PREX1: variants seen among roughly 807,000 people sequenced by gnomAD.
The protein encoded by PREX1 is phosphatidylinositol 3,4,5-trisphosphate-dependent Rac exchanger 1 protein.
A neutral mutation model predicts 198.3 loss-of-function variants in PREX1; 41 were observed. That is an observed-to-expected ratio of 0.21 (90% CI 0.16 to 0.27). The LOEUF is 0.27. Among genes scored for constraint, PREX1 ranks in the 10% least tolerant of loss-of-function variants. The pLI, the probability that PREX1 is intolerant of heterozygous loss-of-function variation, is 1.00. For missense variants in PREX1, 1,620 were observed against 2,200.7 expected (o/e 0.74, Z 5.28); for synonymous variants, 843 against 887.2 (o/e 0.95, Z 0.89).
At chr20:48,707,541 A>G (rs555317967) in intron 6 of PREX1, among the ~76,000 whole-genome samples, 1 of 152,356 alleles carries the variant, frequency 6.6e-6, no homozygotes, top group African/African-American at 2.4e-5. Flanking sequence ...GGCCTACGGC[A>G]TATGATTCAC....
chr20:48,862,790 AATATATATATAT>A, the PREX1 span, among the ~76,000 whole-genome samples: 1 of 102,584 alleles, frequency 9.7e-6, no homozygotes, highest in Non-Finnish European at 1.9e-5. Flanking sequence ...TAAAAAAAAA[AATATATATATAT>A]ATATATATAT....
chr20:48,796,789 C>T (rs928954662), intron 1 of PREX1, among the ~76,000 whole-genome samples: 2 of 147,716 alleles, frequency 1.4e-5, no homozygotes, highest in Non-Finnish European at 3.0e-5. Context: ...CAGTTATATA[C>T]ACATATAATT....
chr20:48,885,767 A>C, the PREX1 span, among the ~76,000 whole-genome samples: 1 of 152,160 alleles, frequency 6.6e-6, no homozygotes, highest in Admixed American at 6.5e-5. Context: ...ACATGGAGGA[A>C]ACTTAAATGC....
intron 1 of PREX1, among the ~76,000 whole-genome samples, chr20:48,819,809 C>G (rs950121308): frequency 6.6e-6 from 1 of 152,244 alleles, no homozygotes; most frequent in Non-Finnish European, 1.5e-5. Flanking sequence ...GCACCTAGCA[C>G]AGTGCCTGGC....
intron 26 of PREX1, 112 bp downstream of exon 26, chr20:48,645,739 G>T: frequency 8.2e-7 from 1 of 1,222,934 alleles, no homozygotes; most frequent in Non-Finnish European, 1.2e-6. Context: ...AGCACCCTGA[G>T]CCCACTGCAC....
chr20:48,872,847 G>A, the PREX1 span, among the ~76,000 whole-genome samples: 6 of 152,200 alleles, frequency 3.9e-5, no homozygotes, highest in Admixed American at 2.0e-4. Context: ...AAGTATTTCC[G>A]GAGGCTCCTG....
chr20:48,642,342 T>C lies in PREX1; in HGVS notation c.3684+65A>G, dbSNP rs115544270. 2.9e-5 allele frequency: 47 copies of C among 1,604,798 alleles called. No homozygotes were observed. The African/African-American group carries it at 6.0e-4, about 21-fold the overall frequency. The stretch of plus-strand genomic sequence containing the variant: ...TCTGGGACCCACAGCCCCCGGGTCA[T>C]GGGCCCTCCCCAGGTGTGACAGGAG... On this transcript the variant is annotated intron_variant, in intron 28 of 39. Transcript: ENST00000371941.
chr20:48,629,959 G>A (rs938471310), intron 36 of PREX1, among the ~76,000 whole-genome samples: 3 of 151,952 alleles, frequency 2.0e-5, no homozygotes, highest in East Asian at 1.9e-4. Flanking sequence ...CAACACAAGC[G>A]CCCCCTCTCC....
intron 33 of PREX1, among the ~76,000 whole-genome samples, chr20:48,633,007 C>G (rs73138132): frequency 6.6e-6 from 1 of 152,132 alleles, no homozygotes; most frequent in African/African-American, 2.4e-5. Flanking sequence ...TACCCTCACC[C>G]GGTAGCCCAT....
intron 9 of PREX1, among the ~76,000 whole-genome samples, chr20:48,689,747 A>T (rs1229680172): frequency 6.6e-6 from 1 of 152,236 alleles, no homozygotes; most frequent in African/African-American, 2.4e-5. Context: ...ATCGGGCCTA[A>T]TATCATTTTA....
intron 1 of PREX1, among the ~76,000 whole-genome samples, chr20:48,815,701 C>T (rs2090455737): frequency 6.6e-6 from 1 of 152,162 alleles, no homozygotes; most frequent in African/African-American, 2.4e-5. Context: ...GTTGGCAAAT[C>T]ATTTCAAGAG....
chr20:48,756,419 G>A (rs763244489), intron 1 of PREX1, among the ~76,000 whole-genome samples: 3 of 151,840 alleles, frequency 2.0e-5, no homozygotes, highest in Admixed American at 6.6e-5. Flanking sequence ...GGATTCCACC[G>A]CTGACTCATT....
In PREX1 at chr20:48,634,738, G is replaced by A. The variant is rs757617983; in HGVS notation, c.4205C>T (p.Thr1402Met). ...ERTMLEDIWV[T>M]LSELDNVTFS... ...GGTGACATTGTCCAGCTCTGACAGCGTCACCCAGATGTCCTCCAGCATGGT... is the reference window on the plus strand; with the variant it reads ...GGTGACATTGTCCAGCTCTGACAGCATCACCCAGATGTCCTCCAGCATGGT... Residue 1402 changes from threonine (T) to methionine (M), a missense_variant, in exon 33 of 40, where the codon ACG becomes ATG. Transcript: ENST00000371941. 8.7e-6 allele frequency: 14 copies of A among 1,614,070 alleles called. No homozygotes were observed. The highest frequency in any genetic ancestry group is 6.7e-5 in the East Asian group (3 of 44,898).
chr20:48,747,127 C>T (rs1345649270), intron 2 of PREX1, among the ~76,000 whole-genome samples: 1 of 151,334 alleles, frequency 6.6e-6, no homozygotes, highest in African/African-American at 2.4e-5. Context: ...GGCCACCGTC[C>T]AGATTAATCA....
rs1421683294 is a variant in PREX1, at chr20:48,660,111, T to C, written c.1739-50A>G. 6 of 1,603,716 alleles carry C rather than the reference T, an allele frequency of 3.7e-6. No individual in the cohort carries two copies. The South Asian group carries it at 6.6e-5, about 18-fold the overall frequency. On this transcript the variant is annotated intron_variant, in intron 15 of 39. Transcript: ENST00000371941. ...AGTGGTCAGATTCACAGGGAAAGTT[T>C]CAGCCATGTTTGCCAACTGGCAGGC...
At chr20:48,708,122 A>T in intron 6 of PREX1, 138 bp downstream of exon 6, 1 of 936,796 alleles carries the variant, frequency 1.1e-6, no homozygotes. Flanking sequence ...AAAAATAATT[A>T]AGCAATCTTT....
intron 27 of PREX1, among the ~76,000 whole-genome samples, chr20:48,643,065 G>T (rs534149108): frequency 1.3e-5 from 2 of 152,232 alleles, no homozygotes; most frequent in South Asian, 2.1e-4. Context: ...AACCAAGGGT[G>T]GGGGGGAGAC....
At chr20:48,651,319 C>T (rs902435890) in intron 22 of PREX1, 77 bp downstream of exon 22, 1 of 1,512,656 alleles carries the variant, frequency 6.6e-7, no homozygotes, top group Non-Finnish European at 8.8e-7. Flanking sequence ...CACCCAACTC[C>T]TTCTCCCAAC....
chr20:48,762,508 C>T (rs1242370166), intron 1 of PREX1, among the ~76,000 whole-genome samples: 2 of 152,148 alleles, frequency 1.3e-5, no homozygotes, highest in East Asian at 3.9e-4. Flanking sequence ...CAAAATCATC[C>T]TTGGTTAAGA....
Sources: allele counts gnomAD v4.1 joint callset (sites outside exome capture counted in the v4.1 genomes callset), GRCh38; gene constraint gnomAD v4.1.1; transcripts MANE v1.5; gene names NCBI Gene and HGNC (gene_info 2026-07-23, HGNC 2026-07-21).